Variants in PLPPR1 observed in about 807,000 individuals in gnomAD.
PLPPR1 encodes phospholipid phosphatase related 1.
Under a neutral mutation model 33.1 loss-of-function variants are expected in PLPPR1, and 10 were observed. The ratio of observed to expected loss-of-function variants is 0.30; its 90% CI spans 0.19 to 0.51. PLPPR1 has a LOEUF of 0.51. Ranked by LOEUF, PLPPR1 falls within the 20% of genes least tolerant of loss-of-function variation. The pLI, the probability that PLPPR1 is intolerant of heterozygous loss-of-function variation, is 0.97. For synonymous variants in PLPPR1, 151 were observed against 151.0 expected (o/e 1.00, Z 0.00); for missense variants, 304 against 408.1 (o/e 0.74, Z 2.20).
intron 1 of PLPPR1, among the ~76,000 whole-genome samples, chr9:101,094,093 C>A (rs1830784461): frequency 6.6e-6 from 1 of 152,310 alleles, no homozygotes; most frequent in Non-Finnish European, 1.5e-5. Flanking sequence ...TGCCTTGCCA[C>A]TCTCCGGATA....
intron 1 of PLPPR1, among the ~76,000 whole-genome samples, chr9:101,081,478 C>T (rs1221638236): frequency 6.6e-6 from 1 of 152,164 alleles, no homozygotes; most frequent in African/African-American, 2.4e-5. Context: ...CAGGCATAAG[C>T]CACCATGCCC....
Position 101,093,112 on chromosome 9 carries a change from C to A in PLPPR1, c.-46+64010C>A, listed in dbSNP as rs565357111. 3.3e-5 allele frequency among the ~76,000 whole-genome samples: 5 copies of A among 152,154 alleles called. No individual in the cohort carries two copies. The South Asian group carries it at 1.0e-3, about 32-fold the overall frequency. ...GCTTTAGACATACTCTCACTACTTT[C>A]TAAGGAAGGAAGGAGAGAGGCAAGT... is the stretch of plus-strand genomic sequence containing the variant. On this transcript the variant is annotated intron_variant, in intron 1 of 7. Transcript: ENST00000374874.
intron 1 of PLPPR1, among the ~76,000 whole-genome samples, chr9:101,031,490 G>A (rs962999150): frequency 5.3e-5 from 8 of 152,326 alleles, no homozygotes; most frequent in African/African-American, 1.9e-4. Context: ...TAACGTGTAT[G>A]CTGTACACTT....
chr9:101,273,244 C>G (rs930799063), intron 3 of PLPPR1, among the ~76,000 whole-genome samples: 1 of 152,028 alleles, frequency 6.6e-6, no homozygotes, highest in Admixed American at 6.6e-5. Flanking sequence ...AAAATTGAGC[C>G]CTTATTGGTG....
At chr9:101,081,716 G>A (rs778074968) in intron 1 of PLPPR1, among the ~76,000 whole-genome samples, 1 of 152,118 alleles carries the variant, frequency 6.6e-6, no homozygotes, top group Non-Finnish European at 1.5e-5. Flanking sequence ...TCTGCTTAAC[G>A]TAAGATGAGC....
intron 1 of PLPPR1, among the ~76,000 whole-genome samples, chr9:101,055,769 C>A (rs962743132): frequency 6.6e-6 from 1 of 152,120 alleles, no homozygotes; most frequent in Non-Finnish European, 1.5e-5. Flanking sequence ...ATTGTTGGGC[C>A]ACATGGTTCC....
At chr9:101,236,730 ATT>A (rs1158569661) in intron 2 of PLPPR1, among the ~76,000 whole-genome samples, 3 of 151,684 alleles carry the variant, frequency 2.0e-5, no homozygotes, top group Admixed American at 2.0e-4. Flanking sequence ...TACTTTGAAC[ATT>A]TTTTTCTTTG....
At chr9:101,280,175 A>G (rs1168281765) in intron 3 of PLPPR1, among the ~76,000 whole-genome samples, 1 of 152,168 alleles carries the variant, frequency 6.6e-6, no homozygotes, top group Non-Finnish European at 1.5e-5. Flanking sequence ...ATGTCAATAA[A>G]TTGCAAAACC....
chr9:101,059,119 TTA>T (rs1830312500), intron 1 of PLPPR1, among the ~76,000 whole-genome samples: 1 of 151,926 alleles, frequency 6.6e-6, no homozygotes, highest in African/African-American at 2.4e-5. Flanking sequence ...AGACATTCTC[TTA>T]AATAACTTTT....
At chr9:101,245,579 C>T (rs560684913) in intron 2 of PLPPR1, among the ~76,000 whole-genome samples, 1 of 152,028 alleles carries the variant, frequency 6.6e-6, no homozygotes, top group South Asian at 2.1e-4. Flanking sequence ...ATGTGTCCAA[C>T]TTACACTATA....
intron 4 of PLPPR1, among the ~76,000 whole-genome samples, chr9:101,302,623 T>A (rs1320355593): frequency 6.6e-6 from 1 of 152,182 alleles, no homozygotes; most frequent in African/African-American, 2.4e-5. Context: ...TGAATCAGAA[T>A]GTGGTTGGGG....
At chr9:101,181,516 A>G (rs1164933450) in intron 1 of PLPPR1, among the ~76,000 whole-genome samples, 2 of 151,228 alleles carry the variant, frequency 1.3e-5, no homozygotes, top group African/African-American at 2.4e-5. Flanking sequence ...ATGCGTTCTC[A>G]TGTTCATTGC....
At chr9:101,293,982 A>C (rs1166198839) in intron 4 of PLPPR1, among the ~76,000 whole-genome samples, 1 of 152,138 alleles carries the variant, frequency 6.6e-6, no homozygotes, top group Non-Finnish European at 1.5e-5. Context: ...ACAGAGACAC[A>C]AAAAACCCTT....
chr9:101,062,497 C>A, intron 1 of PLPPR1, among the ~76,000 whole-genome samples: 1 of 151,712 alleles, frequency 6.6e-6, no homozygotes, highest in East Asian at 1.9e-4. Flanking sequence ...TTAAACATAG[C>A]AAAAAAATTA....
chr9:101,217,882 T>C (rs1826835480), intron 2 of PLPPR1, among the ~76,000 whole-genome samples: 1 of 152,174 alleles, frequency 6.6e-6, no homozygotes, highest in South Asian at 2.1e-4. Context: ...AATAGAATCA[T>C]GATAAACCTA....
At chr9:101,077,381 C>T (rs983890698) in intron 1 of PLPPR1, among the ~76,000 whole-genome samples, 2 of 152,200 alleles carry the variant, frequency 1.3e-5, no homozygotes, top group Non-Finnish European at 2.9e-5. Flanking sequence ...TTGTGTATTA[C>T]TTGAAACTTT....
intron 1 of PLPPR1, among the ~76,000 whole-genome samples, chr9:101,109,051 C>T (rs569609871): frequency 5.6e-4 from 84 of 150,882 alleles, no homozygotes; most frequent in South Asian, 8.4e-4. Flanking sequence ...CTCCGCCTTC[C>T]GGATTGACGC....
chr9:101,299,229 T>A (rs1426078634), intron 4 of PLPPR1, among the ~76,000 whole-genome samples: 1 of 152,192 alleles, frequency 6.6e-6, no homozygotes, highest in Non-Finnish European at 1.5e-5. Context: ...AGGAAGAATC[T>A]TCAGGGAACA....
intron 4 of PLPPR1, among the ~76,000 whole-genome samples, chr9:101,294,516 C>G (rs1433148744): frequency 6.6e-6 from 1 of 152,090 alleles, no homozygotes; most frequent in Admixed American, 6.6e-5. Flanking sequence ...GAATTTTAGA[C>G]CAATATCCTT....
Sources: gnomAD v4.1 joint callset for allele counts (sites outside exome capture counted in the v4.1 genomes callset) on GRCh38, gnomAD v4.1.1 for gene constraint, MANE v1.5 for transcripts, NCBI Gene and HGNC (gene_info 2026-07-23, HGNC 2026-07-21) for gene names.